ADGB: variants seen among roughly 807,000 people sequenced by gnomAD.
The protein encoded by ADGB is calpain-7-like protein.
ADGB carries 172 observed loss-of-function variants against 210.5 expected under a neutral mutation model. The ratio of observed to expected loss-of-function variants is 0.82; its 90% confidence interval spans 0.72 to 0.93. ADGB has a LOEUF of 0.93. ADGB is among the 40% of genes least tolerant of loss of function. The pLI is 0.00. For synonymous variants in ADGB, 658 were observed against 662.7 expected (o/e 0.99, Z 0.11); for missense variants, 2,025 against 1,964.8 (o/e 1.03, Z -0.58).
chr6:146,616,623 G>T (rs545284031), intron 1 of ADGB, among the ~76,000 whole-genome samples: 4 of 152,130 alleles, frequency 2.6e-5, no homozygotes, highest in African/African-American at 7.2e-5. Flanking sequence ...AAAGGTGGGG[G>T]TCTAGTTTCA....
chr6:146,641,409 A>G (rs555718624), intron 2 of ADGB, among the ~76,000 whole-genome samples: 33 of 152,008 alleles, frequency 2.2e-4, no homozygotes, highest in Middle Eastern at 3.4e-3. Flanking sequence ...TTTAAACTTC[A>G]TGTGGAACCA....
At chr6:146,685,567 G>A (rs1488047245) in intron 9 of ADGB, among the ~76,000 whole-genome samples, 167 bp from the exon 10 acceptor site, 1 of 151,940 alleles carries the variant, frequency 6.6e-6, no homozygotes, top group East Asian at 1.9e-4. Flanking sequence ...CTACAAAATA[G>A]ATACATCTTT....
chr6:146,744,061 G>C (rs193281945), intron 25 of ADGB, among the ~76,000 whole-genome samples: 7 of 152,186 alleles, frequency 4.6e-5, no homozygotes, highest in Non-Finnish European at 8.8e-5. Context: ...AACAACCTTT[G>C]TCCCTGCTAA....
chr6:146,756,343 T>C (rs1777406078), intron 27 of ADGB, among the ~76,000 whole-genome samples: 1 of 152,144 alleles, frequency 6.6e-6, no homozygotes, highest in Non-Finnish European at 1.5e-5. Context: ...CTTCTGAGTA[T>C]TGTTTCCTAA....
intron 13 of ADGB, among the ~76,000 whole-genome samples, chr6:146,702,808 C>T (rs940735415): frequency 6.6e-6 from 1 of 151,760 alleles, no homozygotes; most frequent in East Asian, 1.9e-4. Flanking sequence ...ATAAATACTA[C>T]TGCTATGAAT....
rs1362156817 is a variant in ADGB, at chr6:146,741,202, T to C, written c.3108T>C (p.Asn1036=). The C allele has an allele frequency of 6.4e-7, 1 of 1,550,950 alleles. No homozygotes were observed. The change falls in exon 25 of 36, where the codon AAT becomes AAC. Residue 1036 remains asparagine, a synonymous_variant. Transcript: ENST00000397944. The part of the protein sequence containing the change: ...TLPICILHIV[N]NDTMEQVPKV... Reference sequence around the variant, plus strand: ...CAATCTGTATCCTACACATTGTTAATAATGACACAATGGAGCAAGTGCCAA... The same window carrying C: ...CAATCTGTATCCTACACATTGTTAACAATGACACAATGGAGCAAGTGCCAA...
chr6:146,788,369 A>C lies in ADGB; in HGVS notation c.4316-20A>C. ...TCATGGAACGCCAGCTTTTTCAGTA[A>C]TGCACATGTCATGTTGTAGTAGAAA... On this transcript the variant is annotated intron_variant, in intron 32 of 35. Transcript: ENST00000397944. 2 of 1,548,222 alleles carry C rather than the reference A, an allele frequency of 1.3e-6. No homozygotes were observed. The highest frequency in any genetic ancestry group is 1.7e-6 in the Non-Finnish European group (2 of 1,143,826).
Position 146,801,271 on chromosome 6 carries a change from A to G in ADGB, c.4626A>G (p.Gln1542=), listed in dbSNP as rs1436111130. 5 of 1,486,366 alleles carry G rather than the reference A, an allele frequency of 3.4e-6. No individual in the cohort carries two copies. The highest frequency in any genetic ancestry group is 2.7e-5 in the East Asian group (1 of 37,002). 92.1% of individuals were successfully genotyped at this position (1,486,366 alleles called of 1,614,324 possible). A position where few individuals can be genotyped will look rare whatever the true frequency, so the allele number is the denominator to read the frequency against. ...CACTAGAATTTATGGATTTAAGTCA[A>G]TATGTTCGGTAAGTTTTCATAAACA... The part of the protein sequence containing the change: ...RKALEFMDLS[Q]YVRKTDTDPL... Residue 1542 remains glutamine, a synonymous_variant, in exon 34 of 36, where the codon CAA becomes CAG. Coordinates refer to ENST00000397944, the MANE Select transcript of ADGB (RefSeq NM_024694.4).
At chr6:146,637,444 C>T (rs551795337) in intron 2 of ADGB, among the ~76,000 whole-genome samples, 30 of 151,998 alleles carry the variant, frequency 2.0e-4, no homozygotes, top group East Asian at 1.2e-3. Flanking sequence ...GGATAAGCTA[C>T]GGAGCAAATG....
intron 32 of ADGB, among the ~76,000 whole-genome samples, chr6:146,787,503 A>T (rs1040030855): frequency 6.9e-6 from 1 of 144,844 alleles, no homozygotes; most frequent in Non-Finnish European, 1.5e-5. Flanking sequence ...TGTAGGTTCA[A>T]CTTACTGGAA....
At chr6:146,684,112 G>T (rs895969615) in intron 9 of ADGB, among the ~76,000 whole-genome samples, 1 of 151,960 alleles carries the variant, frequency 6.6e-6, no homozygotes, top group African/African-American at 2.4e-5. Flanking sequence ...GCCCAATCTT[G>T]CTCAGTAGCC....
chr6:146,613,231 G>A (rs936252171), intron 1 of ADGB, among the ~76,000 whole-genome samples: 2 of 152,204 alleles, frequency 1.3e-5, no homozygotes, highest in Non-Finnish European at 2.9e-5. Context: ...AATAATTTTT[G>A]TAAAACCAAG....
At chr6:146,738,436 A>ATTTTTTTT in intron 23 of ADGB, among the ~76,000 whole-genome samples, 1 of 111,974 alleles carries the variant, frequency 8.9e-6, no homozygotes, top group African/African-American at 3.6e-5. Flanking sequence ...ATCCCATTTC[A>ATTTTTTTT]TCTTTTTTTT....
intron 12 of ADGB, among the ~76,000 whole-genome samples, chr6:146,698,256 A>G (rs1776437882): frequency 6.6e-6 from 1 of 152,218 alleles, no homozygotes; most frequent in South Asian, 2.1e-4. Context: ...TTAAGCTTCA[A>G]TAAAACTTTA....
At chr6:146,616,830 C>T (rs1590299) in intron 1 of ADGB, among the ~76,000 whole-genome samples, 42,431 of 151,938 alleles carry the variant, frequency 0.28, 7,277 homozygotes, top group Admixed American at 0.39. Context: ...CAGTACCATG[C>T]TTCTTTGGTT....
At chr6:146,725,451 T>C (rs1417589) in intron 18 of ADGB, 87,316 of 152,034 alleles carry the variant, frequency 0.57, 26,729 homozygotes, top group African/African-American at 0.79. Flanking sequence ...GTGAACTGCA[T>C]ATGCAAGGGA....
At chr6:146,741,017 G>C (rs1777156999) in intron 24 of ADGB, 101 bp from the exon 25 acceptor site, 1 of 879,376 alleles carries the variant, frequency 1.1e-6, no homozygotes, top group East Asian at 3.0e-5. Flanking sequence ...TTAGTTATTT[G>C]GAACTTTGGA....
intron 5 of ADGB, among the ~76,000 whole-genome samples, chr6:146,660,632 C>T (rs1198676141): frequency 6.6e-6 from 1 of 151,956 alleles, no homozygotes; most frequent in Non-Finnish European, 1.5e-5. Context: ...ATATATATTG[C>T]TAATTTGATA....
In ADGB at chr6:146,728,639, T is replaced by G; in HGVS notation, c.2418T>G (p.Asn806Lys). ...AAGCTATTGGAAATGTGATTGCTAATTTCAAAGATAAGGGTAAACTCTCTG... is the reference window on the plus strand; with the variant it reads ...AAGCTATTGGAAATGTGATTGCTAAGTTCAAAGATAAGGGTAAACTCTCTG... ...IMKAIGNVIA[N>K]FKDKGKLSAA... is the part of the protein sequence containing the mutation. Residue 806 changes from asparagine to lysine, a missense_variant, in exon 20 of 36, where the codon AAT (asparagine) becomes AAG (lysine). Transcript: ENST00000397944. The G allele has an allele frequency of 6.4e-7, 1 of 1,551,664 alleles. No individual in the cohort carries two copies. Among genetic ancestry groups the G allele is most frequent in the Non-Finnish European group, 8.7e-7 (1 of 1,146,952 alleles).
Sources: gnomAD v4.1 joint callset for allele counts (sites outside exome capture counted in the v4.1 genomes callset) on GRCh38, gnomAD v4.1.1 for gene constraint, MANE v1.5 for transcripts, NCBI Gene and HGNC (gene_info 2026-07-23, HGNC 2026-07-21) for gene names.